The following COL19A1 variants were observed in gnomAD, a reference collection of about 807,000 sequenced individuals.
COL19A1 encodes the protein collagen alpha-1(XIX) chain.
In COL19A1, 159 loss-of-function variants were observed where a neutral mutation model predicts 190.2. That is an observed-to-expected ratio of 0.84 (90% confidence interval 0.73 to 0.95). The LOEUF (loss-of-function observed/expected upper bound fraction) is 0.95, where lower values mean the gene tolerates loss of function less well. Among genes scored for constraint, COL19A1 ranks in the 40% least tolerant of loss-of-function variants. The probability of loss-of-function intolerance (pLI) is 0.00; values close to 1 mark genes in which losing one functional copy is unlikely to be tolerated. For missense variants in COL19A1, 1,418 were observed against 1,431.9 expected (o/e 0.99, Z 0.16); for synonymous variants, 509 against 458.9 (o/e 1.11, Z -1.39).
chr6:69,981,843 T>C (rs1057133706), intron 11 of COL19A1, among the ~76,000 whole-genome samples: 9 of 152,136 alleles, frequency 5.9e-5, no homozygotes, highest in Non-Finnish European at 1.0e-4. Context: ...TTTTAAAATC[T>C]GTCCTAAAAT....
At chr6:70,162,846 G>T (rs867300422) in intron 35 of COL19A1, among the ~76,000 whole-genome samples, 1 of 152,098 alleles carries the variant, frequency 6.6e-6, no homozygotes, top group African/African-American at 2.4e-5. Flanking sequence ...AATTAAAAAC[G>T]ATGAAAAAGA....
In COL19A1 at chr6:69,936,613, C is replaced by T. The variant is rs142199010; in HGVS notation, c.748-172C>T. Among the ~76,000 whole-genome samples, 180 of 152,180 alleles carry T rather than the reference C, an allele frequency of 1.2e-3. 2 individuals are homozygous for T. In the South Asian group the frequency reaches 0.014, roughly 12 times the overall value. Reference sequence around the variant, plus strand: ...GTATAAGAAAACCCATGGGCTCAGGCGGAAAGTGCAAAAGTGTGATAAACA... The same window carrying T: ...GTATAAGAAAACCCATGGGCTCAGGTGGAAAGTGCAAAAGTGTGATAAACA... On this transcript the variant is annotated intron_variant, in intron 7 of 50. Transcript: ENST00000620364.
chr6:70,087,310 G>C (rs997995076), intron 15 of COL19A1, among the ~76,000 whole-genome samples: 3 of 152,158 alleles, frequency 2.0e-5, no homozygotes, highest in Non-Finnish European at 2.9e-5. Context: ...GGGATATGCA[G>C]TGTTGTGTGG....
In COL19A1 at chr6:70,192,380, C is replaced by T. The variant is rs138767307; in HGVS notation, c.3094+1999C>T. Among the ~76,000 whole-genome samples the T allele has an allele frequency of 6.3e-3, 959 of 152,170 alleles. 12 individuals are homozygous for T. Among genetic ancestry groups the T allele is most frequent in the African/African-American group, 0.02 (811 of 41,552 alleles). The stretch of plus-strand genomic sequence containing the variant: ...TATGACAGTTTACTAATACATTTGT[C>T]CACTCTTTTGTTGAGCTACCAGTAA... On this transcript the variant is annotated intron_variant, in intron 48 of 50. Transcript: ENST00000620364.
rs1195974388 is a variant in COL19A1 at position 70,176,542 on chromosome 6, C to T, written c.2645C>T (p.Pro882Leu). The T allele has an allele frequency of 6.2e-7, 1 of 1,613,302 alleles. No individual in the cohort carries two copies. The highest frequency in any genetic ancestry group is 1.3e-5 in the African/African-American group (1 of 74,860). Reference protein sequence around the residue: ...GVKGDRGPAGPPGIAGMSGKP... With the variant: ...GVKGDRGPAGLPGIAGMSGKP... ...CAGGGAGATCGAGGCCCAGCAGGTC[C>T]CCCAGGAATAGCAGGGATGTCGGTG... The change falls in exon 42 of 51, where the codon CCC becomes CTC. Residue 882 changes from proline (P) to leucine (L), a missense_variant. Pro to Leu is a moderately conservative substitution (Grantham distance 98, BLOSUM62 -3). Coordinates refer to ENST00000620364, the MANE Select transcript of COL19A1 (RefSeq NM_001858.6).
chr6:70,187,953 G>A (rs1766629411), intron 46 of COL19A1, 122 bp from the exon 47 acceptor site: 1 of 1,156,950 alleles, frequency 8.6e-7, no homozygotes, highest in East Asian at 2.6e-5. Flanking sequence ...GACACAGAGA[G>A]TTTAAGTTAT....
At chr6:69,909,857 C>T (rs1410471703) in intron 4 of COL19A1, among the ~76,000 whole-genome samples, 5 of 152,066 alleles carry the variant, frequency 3.3e-5, no homozygotes, top group Admixed American at 1.3e-4. Flanking sequence ...ATCATATAAT[C>T]GGAAAGGTAT....
intron 14 of COL19A1, among the ~76,000 whole-genome samples, chr6:70,050,785 G>T (rs1054149984): frequency 6.6e-5 from 10 of 151,944 alleles, no homozygotes; most frequent in South Asian, 2.1e-4. Context: ...GATTATTTTT[G>T]ATCAATTTGA....
At chr6:70,136,652 AT>A (rs1468539835) in intron 18 of COL19A1, among the ~76,000 whole-genome samples, 2 of 152,306 alleles carry the variant, frequency 1.3e-5, no homozygotes, top group African/African-American at 4.8e-5. Context: ...TAAATACTAA[AT>A]TCTTGAGAGT....
chr6:70,086,181 A>G (rs1782579878), intron 15 of COL19A1, among the ~76,000 whole-genome samples: 1 of 152,112 alleles, frequency 6.6e-6, no homozygotes. Context: ...TTACTACTCT[A>G]GAAATATTTC....
At chr6:70,006,906 T>C (rs1360546585) in intron 11 of COL19A1, among the ~76,000 whole-genome samples, 1 of 152,070 alleles carries the variant, frequency 6.6e-6, no homozygotes, top group African/African-American at 2.4e-5. Context: ...TAAAGATGCA[T>C]ATTGTATAAT....
At chr6:69,991,031 C>T (rs533944380) in intron 11 of COL19A1, among the ~76,000 whole-genome samples, 1 of 151,958 alleles carries the variant, frequency 6.6e-6, no homozygotes, top group Non-Finnish European at 1.5e-5. Flanking sequence ...TTTTGTTATT[C>T]TGATCCTCCT....
chr6:70,201,296 C>T (rs767621264), intron 49 of COL19A1, among the ~76,000 whole-genome samples: 1 of 152,218 alleles, frequency 6.6e-6, no homozygotes, highest in Non-Finnish European at 1.5e-5. Flanking sequence ...GCTTCAGACA[C>T]CTCACAGGTG....
At chr6:69,970,678 C>T (rs184370048) in intron 11 of COL19A1, among the ~76,000 whole-genome samples, 40 of 152,226 alleles carry the variant, frequency 2.6e-4, no homozygotes, top group African/African-American at 7.5e-4. Context: ...CCTTACTTCC[C>T]GTGAATTCTG....
At chr6:69,948,717 A>T (rs1773961919) in intron 9 of COL19A1, among the ~76,000 whole-genome samples, 1 of 151,860 alleles carries the variant, frequency 6.6e-6, no homozygotes, top group Non-Finnish European at 1.5e-5. Context: ...TTTCAGAGAC[A>T]GGCACTACTC....
At chr6:69,897,490 C>T (rs1188569234) in intron 2 of COL19A1, among the ~76,000 whole-genome samples, 4 of 151,132 alleles carry the variant, frequency 2.6e-5, no homozygotes, top group Non-Finnish European at 5.9e-5. Context: ...CACACACACC[C>T]CATACTGTTG....
chr6:70,034,259 C>T lies in COL19A1; in HGVS notation c.1095C>T (p.Asp365=). ...GLNGENGLKG[D]LGPHGPPGPK... ...TCTTTCTACAGGGTTTGAAAGGTGACTTGGGTCCTCATGGTCCACCTGGCC... is the reference window on the plus strand; with the variant it reads ...TCTTTCTACAGGGTTTGAAAGGTGATTTGGGTCCTCATGGTCCACCTGGCC... Residue 365 remains aspartate, a synonymous_variant, in exon 13 of 51, where the codon GAC becomes GAT. Coordinates refer to ENST00000620364, the MANE Select transcript of COL19A1 (RefSeq NM_001858.6). 1 of 1,612,512 alleles carries T rather than the reference C, an allele frequency of 6.2e-7. No individual in the cohort carries two copies. Among genetic ancestry groups the T allele is most frequent in the Non-Finnish European group, 8.5e-7 (1 of 1,178,566 alleles).
chr6:69,977,110 G>A (rs542573847), intron 11 of COL19A1, among the ~76,000 whole-genome samples: 74 of 152,186 alleles, frequency 4.9e-4, no homozygotes, highest in East Asian at 4.8e-3. Flanking sequence ...AGACACATGC[G>A]CACGTATGTT....
chr6:70,087,562 A>G (rs1782660220), intron 15 of COL19A1, among the ~76,000 whole-genome samples: 1 of 152,112 alleles, frequency 6.6e-6, no homozygotes, highest in Non-Finnish European at 1.5e-5. Context: ...CATTCATTAT[A>G]AGGAGTTCAG....
Sources: gnomAD v4.1 joint callset for allele counts (sites outside exome capture counted in the v4.1 genomes callset) on GRCh38, gnomAD v4.1.1 for gene constraint, MANE v1.5 for transcripts, NCBI Gene and HGNC (gene_info 2026-07-23, HGNC 2026-07-21) for gene names.